Variants in UST observed in about 807,000 individuals in gnomAD.
The protein encoded by UST is chondroitin sulfate 2-O-sulfotransferase.
Under a neutral mutation model 45.6 loss-of-function variants are expected in UST, and 21 were observed. The observed-to-expected ratio is 0.46, with a 90% CI of 0.33 to 0.66. UST has a LOEUF of 0.66. UST is among the 30% of genes least tolerant of loss of function. The pLI, the probability that UST is intolerant of heterozygous loss-of-function variation, is 0.02. For synonymous variants in UST, 215 were observed against 200.6 expected (o/e 1.07, Z -0.61); for missense variants, 463 against 512.4 (o/e 0.90, Z 0.93).
At chr6:149,018,553 A>G (rs1775938563) in intron 5 of UST, among the ~76,000 whole-genome samples, 2 of 152,210 alleles carry the variant, frequency 1.3e-5, no homozygotes, top group African/African-American at 2.4e-5. Flanking sequence ...CCAACCTCAT[A>G]TAAGAGAAAT....
At chr6:148,822,397 C>A (rs1434049445) in intron 1 of UST, among the ~76,000 whole-genome samples, 1 of 152,158 alleles carries the variant, frequency 6.6e-6, no homozygotes, top group Non-Finnish European at 1.5e-5. Flanking sequence ...TGTGTACACC[C>A]AATTCTCACA....
At chr6:148,780,090 C>CATGTGTGTGTATATAT (rs1776612963) in intron 1 of UST, among the ~76,000 whole-genome samples, 1 of 102,898 alleles carries the variant, frequency 9.7e-6, no homozygotes, top group African/African-American at 3.0e-5. Context: ...TATATATATA[C>CATGTGTGTGTATATAT]ACACACACAC....
At chr6:148,782,841 C>T (rs1776669848) in intron 1 of UST, among the ~76,000 whole-genome samples, 1 of 152,172 alleles carries the variant, frequency 6.6e-6, no homozygotes, top group South Asian at 2.1e-4. Flanking sequence ...GTTGAAATGA[C>T]AACAAAGGAT....
intron 5 of UST, among the ~76,000 whole-genome samples, chr6:149,000,594 G>C (rs1319352069): frequency 6.6e-6 from 1 of 152,102 alleles, no homozygotes; most frequent in Non-Finnish European, 1.5e-5. Flanking sequence ...AGAAAGGCAG[G>C]CAGCAAAATC....
intron 5 of UST, among the ~76,000 whole-genome samples, chr6:149,007,585 G>GC (rs1304928988): frequency 2.7e-5 from 4 of 147,624 alleles, no homozygotes; most frequent in Admixed American, 6.8e-5. Context: ...ACCGCGCCTG[G>GC]CCTTTTTTTT....
intron 5 of UST, among the ~76,000 whole-genome samples, chr6:149,017,349 C>T (rs1775917938): frequency 6.6e-6 from 1 of 151,464 alleles, no homozygotes; most frequent in South Asian, 2.1e-4. Context: ...TGCAGTCCAG[C>T]CTGGGGGACA....
intron 1 of UST, among the ~76,000 whole-genome samples, chr6:148,865,890 G>C (rs900698809): frequency 2.0e-5 from 3 of 152,104 alleles, no homozygotes; most frequent in African/African-American, 7.2e-5. Flanking sequence ...GACTATGCAT[G>C]GAATGTATGT....
chr6:148,982,089 C>T (rs1017666214), intron 5 of UST, among the ~76,000 whole-genome samples: 1 of 129,278 alleles, frequency 7.7e-6, no homozygotes, highest in African/African-American at 2.7e-5. Flanking sequence ...GAACTCCCTC[C>T]ATCAAGCCTT....
At chr6:148,750,670 A>C (rs1482462366) in intron 1 of UST, among the ~76,000 whole-genome samples, 1 of 152,184 alleles carries the variant, frequency 6.6e-6, no homozygotes, top group Non-Finnish European at 1.5e-5. Flanking sequence ...TCACATTTAC[A>C]TCCATAATTC....
chr6:148,967,327 G>A (rs541288825), intron 5 of UST, among the ~76,000 whole-genome samples: 1 of 151,550 alleles, frequency 6.6e-6, no homozygotes, highest in South Asian at 2.1e-4. Flanking sequence ...AACTCGGGGG[G>A]GCTCAGATTC....
chr6:148,910,619 TC>T (rs1331382713), intron 2 of UST, among the ~76,000 whole-genome samples: 1 of 152,170 alleles, frequency 6.6e-6, no homozygotes, highest in African/African-American at 2.4e-5. Flanking sequence ...GGTCTTTCTC[TC>T]CTGCTGTCTC....
Position 149,074,036 on chromosome 6 carries a change from A to C in UST, c.1141A>C (p.Thr381Pro). 2 of 1,614,074 alleles carry C rather than the reference A, an allele frequency of 1.2e-6. No homozygotes were observed. Among genetic ancestry groups the C allele is most frequent in the East Asian group, 2.2e-5 (1 of 44,868 alleles). ...CCTGAGGCCACACTTCTTTATCCCA[A>C]CTCCACTGGAAACCGAGGAGCCAAT... ...PPLRPHFFIP[T>P]PLETEEPIDD... The change falls in exon 8 of 8, where the codon ACT becomes CCT. Residue 381 changes from threonine to proline, a missense_variant. Thr to Pro is a conservative substitution (Grantham distance 38). This residue lies in a region of UST where 287 missense variants were observed against 374.2 expected (regional missense o/e 0.77). Coordinates refer to ENST00000367463, the MANE Select transcript of UST (RefSeq NM_005715.3).
rs180810827 is a variant in UST at position 148,765,260 on chromosome 6, C to T, written c.247+17583C>T. On this transcript the variant is annotated intron_variant, in intron 1 of 7. Coordinates refer to ENST00000367463, the MANE Select transcript of UST (RefSeq NM_005715.3). Reference sequence around the variant, plus strand: ...TGTATATTTTTGCCAACTTTGTTTACGATCAGTTGGTTGTAGGTATGTGGC... The same window carrying T: ...TGTATATTTTTGCCAACTTTGTTTATGATCAGTTGGTTGTAGGTATGTGGC... Among the ~76,000 whole-genome samples, 88 of 152,156 alleles carry T rather than the reference C, an allele frequency of 5.8e-4. No individual in the cohort carries two copies. The East Asian group carries it at 0.015, about 25-fold the overall frequency.
rs1775978642 is a variant in UST, at chr6:149,021,328, C to A, written c.784C>A (p.Pro262Thr). Residue 262 changes from proline (P) to threonine (T), a missense_variant, in exon 7 of 8, where the codon CCT (proline) becomes ACT (threonine). Physicochemically the swap from Pro to Thr is conservative, Grantham distance 38. Transcript: ENST00000367463. ...TAAATTTTTATATCCATAAAGGGAGCCTGGTGAATGGGCCCTTGAGAGAGC... is the reference window on the plus strand; with the variant it reads ...TAAATTTTTATATCCATAAAGGGAGACTGGTGAATGGGCCCTTGAGAGAGC... Reference protein sequence around the residue: ...FCGQHPRCREPGEWALERAKL... With the variant: ...FCGQHPRCRETGEWALERAKL... 1 of 1,610,416 alleles carries A rather than the reference C, an allele frequency of 6.2e-7. No homozygotes were observed. Among genetic ancestry groups the A allele is most frequent in the Admixed American group, 1.7e-5 (1 of 59,472 alleles).
intron 1 of UST, among the ~76,000 whole-genome samples, chr6:148,860,010 GT>G (rs981664165): frequency 6.6e-6 from 1 of 152,130 alleles, no homozygotes; most frequent in Non-Finnish European, 1.5e-5. Flanking sequence ...CTTTAAAGTA[GT>G]TTTTTTCCAA....
chr6:149,028,766 T>C (rs553831891), intron 7 of UST, among the ~76,000 whole-genome samples: 20 of 152,302 alleles, frequency 1.3e-4, no homozygotes, highest in Non-Finnish European at 2.4e-4. Context: ...ACCAGAAATA[T>C]TAGGGAGCTA....
intron 7 of UST, among the ~76,000 whole-genome samples, chr6:149,029,448 T>C (rs1223212972): frequency 1.4e-5 from 2 of 145,348 alleles, no homozygotes; most frequent in African/African-American, 5.0e-5. Flanking sequence ...TATATTATAT[T>C]ATATATACAT....
intron 3 of UST, among the ~76,000 whole-genome samples, chr6:148,945,411 C>T (rs1780216437): frequency 6.6e-6 from 1 of 152,150 alleles, no homozygotes; most frequent in South Asian, 2.1e-4. Flanking sequence ...CCTTTTAAAA[C>T]CTAGAGTTGC....
intron 1 of UST, among the ~76,000 whole-genome samples, chr6:148,862,182 T>A (rs1342310397): frequency 6.6e-6 from 1 of 152,234 alleles, no homozygotes; most frequent in Non-Finnish European, 1.5e-5. Flanking sequence ...TGGGTGCTCC[T>A]GTATTGGGTG....
Sources: allele counts gnomAD v4.1 joint callset (sites outside exome capture counted in the v4.1 genomes callset), GRCh38; gene constraint gnomAD v4.1.1; regional missense constraint gnomAD v4.1.1; transcripts MANE v1.5; gene names NCBI Gene and HGNC (gene_info 2026-07-23, HGNC 2026-07-21).